NCOR2: variants seen among roughly 807,000 people sequenced by gnomAD.
The protein encoded by NCOR2 is nuclear receptor corepressor 2.
A neutral mutation model predicts 262.9 loss-of-function variants in NCOR2; 81 were observed. That is an observed-to-expected ratio of 0.31 (90% CI 0.26 to 0.37). The LOEUF is 0.37. Ranked by LOEUF, NCOR2 falls within the 10% of genes least tolerant of loss-of-function variation. The pLI, the probability that NCOR2 is intolerant of heterozygous loss-of-function variation, is 1.00. For missense variants in NCOR2, 3,385 were observed against 3,621.4 expected (o/e 0.93, Z 1.68); for synonymous variants, 1,659 against 1,559.3 (o/e 1.06, Z -1.51).
At chr12:124,474,083 C>A (rs904910377) in intron 3 of NCOR2, among the ~76,000 whole-genome samples, 1 of 152,246 alleles carries the variant, frequency 6.6e-6, no homozygotes, top group South Asian at 2.1e-4. Context: ...CTTCCACTTA[C>A]CCCATCTGTG....
intron 3 of NCOR2, among the ~76,000 whole-genome samples, chr12:124,479,338 A>G (rs964747175): frequency 6.0e-5 from 9 of 149,390 alleles, no homozygotes; most frequent in Non-Finnish European, 9.1e-5. Flanking sequence ...GCGCACACAA[A>G]CACACATACA....
At position 124,348,155 on chromosome 12, in the gene NCOR2, G is replaced by A; in HGVS notation, c.3985+19C>T. On this transcript the variant is annotated intron_variant, in intron 29 of 46. Coordinates refer to ENST00000405201, the Ensembl canonical transcript of NCOR2. ...CCACCAGGGGGCACCGAGAGATGAA[G>A]TCTCCTCCCTGCTATCACCTTCGAT... 5.0e-6 allele frequency: 8 copies of A among 1,608,028 alleles called. No individual in the cohort carries two copies. The highest frequency in any genetic ancestry group is 6.8e-6 in the Non-Finnish European group (8 of 1,179,994).
chr12:124,501,131 G>C (rs967072225), intron 1 of NCOR2, among the ~76,000 whole-genome samples: 1 of 150,852 alleles, frequency 6.6e-6, no homozygotes, highest in Non-Finnish European at 1.5e-5. Flanking sequence ...CTGATACTCT[G>C]AGAAGCCCAA....
At chr12:124,341,869 C>T (rs199572409) in exon 34 of NCOR2, 110 of 1,611,060 alleles carry the variant, frequency 6.8e-5, no homozygotes, top group Middle Eastern at 3.3e-4. Context: ...ACTCGCGGGG[C>T]GAGAGGCCCC....
intron 1 of NCOR2, among the ~76,000 whole-genome samples, chr12:124,551,536 C>T (rs1295797043): frequency 6.6e-6 from 1 of 152,218 alleles, no homozygotes; most frequent in African/African-American, 2.4e-5. Context: ...CCTTAGCTTA[C>T]AGCCCCGAGT....
At chr12:124,333,166 G>A (rs761498985) in exon 42 of NCOR2, 7 of 1,612,182 alleles carry the variant, frequency 4.3e-6, no homozygotes, top group East Asian at 2.2e-5. Context: ...GTACAGCAGC[G>A]GGTACACAGC....
Position 124,457,106 on chromosome 12 carries a change from C to T in NCOR2, c.762G>A (p.Leu254=). 1 of 1,525,764 alleles carries T rather than the reference C, an allele frequency of 6.6e-7. No individual in the cohort carries two copies. Among genetic ancestry groups the T allele is most frequent in the Non-Finnish European group, 8.7e-7 (1 of 1,148,390 alleles). The allele number at this position is 1,525,764 out of a possible 1,614,324, so 94.5% of individuals were successfully genotyped here. Residue 254 remains leucine, a splice_region_variant and synonymous_variant, in exon 6 of 47, where the codon CTG becomes CTA. Coordinates refer to ENST00000405201, the Ensembl canonical transcript of NCOR2. This position sits in a 1 kb window ranked among gnomAD's most constrained non-coding sequence, Gnocchi z 4.0. ...CCCCTGACCCTGTACCCCAGCTCAC[C>T]AGCTCCACCTGGGGCCCCAGGCCTT...
intron 31 of NCOR2, among the ~76,000 whole-genome samples, chr12:124,346,054 TGTAGG>T (rs2036899991): frequency 6.6e-6 from 1 of 152,194 alleles, no homozygotes; most frequent in African/African-American, 2.4e-5. Context: ...ATGCTGCGGC[TGTAGG>T]AACATCTGAA....
intron 45 of NCOR2, 27 bp from the exon 48 acceptor site, chr12:124,326,397 C>T: frequency 1.4e-6 from 2 of 1,471,944 alleles, no homozygotes; most frequent in East Asian, 2.6e-5. Context: ...TGGGAAGGGG[C>T]TGCGTTGGGC....
chr12:124,347,462 G>A (rs920191259), intron 30 of NCOR2: 76 of 242,936 alleles, frequency 3.1e-4, no homozygotes, highest in Admixed American at 8.5e-4. Context: ...GACCAGCCGC[G>A]AGAACCTGAA....
At chr12:124,384,760 C>A (rs1407139861) in intron 17 of NCOR2, among the ~76,000 whole-genome samples, 5 of 152,054 alleles carry the variant, frequency 3.3e-5, no homozygotes, top group Non-Finnish European at 7.4e-5. Flanking sequence ...GAACCCACTG[C>A]ACACACTTTA....
intron 44 of NCOR2, among the ~76,000 whole-genome samples, chr12:124,330,016 GATAAT>G (rs1435256107): frequency 1.3e-5 from 2 of 152,202 alleles, no homozygotes; most frequent in Non-Finnish European, 2.9e-5. Context: ...CTGACCCCCT[GATAAT>G]ATCTGAACGA....
intron 27 of NCOR2, 77 bp downstream of exon 29, chr12:124,354,016 G>A: frequency 8.3e-6 from 11 of 1,319,726 alleles, no homozygotes; most frequent in Non-Finnish European, 1.1e-5. Flanking sequence ...ATGGTTTGGT[G>A]ACAATGAGGG....
At position 124,566,778 on chromosome 12, in the gene NCOR2, G is replaced by A. The variant is rs562425127; in HGVS notation, c.-165+530C>T. On this transcript the variant is annotated intron_variant, in intron 1 of 32. Coordinates refer to the NCOR2 transcript ENST00000458234. This position sits in a 1 kb window ranked among gnomAD's most constrained non-coding sequence, Gnocchi z 4.3. ...GAGGGACCCCGCCCAGCGCCCCGTG[G>A]CCCCACGCCTAGGAGGGACAAGGCT... Among the ~76,000 whole-genome samples the A allele has an allele frequency of 6.6e-6, 1 of 152,268 alleles. No individual in the cohort carries two copies. The highest frequency in any genetic ancestry group is 2.4e-5 in the African/African-American group (1 of 41,566).
At chr12:124,455,959 T>C (rs1290669117) in intron 6 of NCOR2, among the ~76,000 whole-genome samples, 2 of 152,304 alleles carry the variant, frequency 1.3e-5, no homozygotes. Flanking sequence ...CACCGCAGCC[T>C]TGAACTCCAG....
At chr12:124,507,946 G>C (rs906553855) in intron 1 of NCOR2, among the ~76,000 whole-genome samples, 2 of 152,254 alleles carry the variant, frequency 1.3e-5, no homozygotes, top group South Asian at 4.1e-4. Flanking sequence ...GGCCCTCAAG[G>C]ATGGCTTTCT....
chr12:124,377,332 G>A (rs1178350235), intron 18 of NCOR2, among the ~76,000 whole-genome samples: 7 of 152,134 alleles, frequency 4.6e-5, no homozygotes, highest in Admixed American at 6.5e-5. Flanking sequence ...TACCTGGGGC[G>A]CCTGGGCCCA....
exon 33 of NCOR2, chr12:124,343,222 G>C (rs763546462): frequency 2.5e-6 from 4 of 1,607,602 alleles, no homozygotes; most frequent in Non-Finnish European, 3.4e-6. Context: ...TGGACGAAAG[G>C]CTGCCTGTGG....
At chr12:124,405,847 G>T (rs1463264049) in intron 13 of NCOR2, among the ~76,000 whole-genome samples, 1 of 152,194 alleles carries the variant, frequency 6.6e-6, no homozygotes, top group African/African-American at 2.4e-5. Context: ...TGGGCTGCTG[G>T]GTCTTGGGCC....
Sources: allele counts gnomAD v4.1 joint callset (sites outside exome capture counted in the v4.1 genomes callset), GRCh38; gene constraint gnomAD v4.1.1; non-coding constraint Gnocchi (gnomAD v3.1); transcripts MANE v1.5; gene names NCBI Gene and HGNC (gene_info 2026-07-23, HGNC 2026-07-21).